The following PLEKHG1 variants were observed in gnomAD, a reference collection of about 807,000 sequenced individuals.
PLEKHG1 encodes the protein pleckstrin homology and RhoGEF domain containing G1.
Under a neutral mutation model 100.8 loss-of-function variants are expected in PLEKHG1, and 44 were observed. The observed-to-expected ratio is 0.44, with a 90% CI of 0.34 to 0.56. The LOEUF is 0.56. Ranked by LOEUF, PLEKHG1 falls within the 20% of genes least tolerant of loss-of-function variation. The pLI is 0.01. For synonymous variants in PLEKHG1, 640 were observed against 662.5 expected, an observed-to-expected ratio of 0.97 and a Z score of 0.52; for missense variants, 1,545 against 1,720.9, an observed-to-expected ratio of 0.90 and a Z score of 1.81.
chr6:150,663,358 TGTG>T (rs1415362838), intron 3 of PLEKHG1: 1 of 152,232 alleles, frequency 6.6e-6, no homozygotes, highest in East Asian at 1.9e-4. Flanking sequence ...GCTTAAATAA[TGTG>T]GTCTCTTGAT....
intron 1 of PLEKHG1, among the ~76,000 whole-genome samples, chr6:150,628,575 C>CACACACACACACACACACACAT (rs754227842): frequency 0.028 from 3,896 of 137,276 alleles, 263 homozygotes; most frequent in Middle Eastern, 0.057. Context: ...CACACACACA[C>CACACACACACACACACACACAT]ACCCCGTCCT....
At chr6:150,692,449 G>T (rs575188471) in intron 3 of PLEKHG1, among the ~76,000 whole-genome samples, 87 of 152,240 alleles carry the variant, frequency 5.7e-4, no homozygotes, top group African/African-American at 2.0e-3. Context: ...ATGGGCTGAT[G>T]ATTCAATAAA....
exon 15 of PLEKHG1, chr6:150,830,726 A>C: frequency 6.2e-7 from 1 of 1,614,230 alleles, no homozygotes; most frequent in Middle Eastern, 1.6e-4. Flanking sequence ...TCACCAGATC[A>C]GGCAAGCCTT....
chr6:150,669,539 G>A (rs1779515862), intron 3 of PLEKHG1, among the ~76,000 whole-genome samples: 1 of 151,720 alleles, frequency 6.6e-6, no homozygotes, highest in Admixed American at 6.6e-5. Flanking sequence ...CAAAGTTACT[G>A]GAACTGTGTA....
intron 3 of PLEKHG1, among the ~76,000 whole-genome samples, chr6:150,701,423 A>G (rs1780771512): frequency 7.1e-5 from 2 of 28,302 alleles, no homozygotes; most frequent in African/African-American, 3.3e-4. Context: ...TTCTTTATAT[A>G]TATATATATA....
chr6:150,600,076 C>A lies in PLEKHG1; in HGVS notation c.-204+59C>A. 1 of 182,174 alleles carries A rather than the reference C, an allele frequency of 5.5e-6. No homozygotes were observed. The allele number at this position is 182,174 out of a possible 1,614,324, so 11.3% of individuals were successfully genotyped here. ...CTTTTCCAGGGATGGGAGGGGGGAC[C>A]CGGGGACCTCCGGCGGGAGCCCCAC... On this transcript the variant is annotated intron_variant, in intron 1 of 3. Coordinates refer to the PLEKHG1 transcript ENST00000367326. The surrounding 1 kb of genome is among the most constrained non-coding windows in gnomAD (Gnocchi z 6.2).
intron 3 of PLEKHG1, among the ~76,000 whole-genome samples, chr6:150,771,488 G>A (rs374690527): frequency 2.0e-5 from 3 of 152,176 alleles, no homozygotes; most frequent in East Asian, 1.9e-4. Flanking sequence ...GTGGACCCCC[G>A]TCTGCAGAAG....
At chr6:150,617,306 C>A (rs1345696362) in intron 1 of PLEKHG1, among the ~76,000 whole-genome samples, 1 of 152,162 alleles carries the variant, frequency 6.6e-6, no homozygotes, top group African/African-American at 2.4e-5. Flanking sequence ...AAGAGACTTC[C>A]TTTTTAAAAA....
chr6:150,698,343 T>C (rs1780628570), intron 3 of PLEKHG1, among the ~76,000 whole-genome samples: 1 of 152,208 alleles, frequency 6.6e-6, no homozygotes, highest in South Asian at 2.1e-4. Flanking sequence ...TTTTGGACTT[T>C]TGGATTAGGG....
At chr6:150,758,353 T>G (rs1260023719) in intron 2 of PLEKHG1, among the ~76,000 whole-genome samples, 1 of 141,458 alleles carries the variant, frequency 7.1e-6, no homozygotes, top group Non-Finnish European at 1.5e-5. Context: ...TTTTTTTTTT[T>G]GAGACAGAGT....
At chr6:150,774,497 A>T (rs1190431643) in intron 3 of PLEKHG1, among the ~76,000 whole-genome samples, 2 of 150,046 alleles carry the variant, frequency 1.3e-5, no homozygotes, top group Non-Finnish European at 2.9e-5. Context: ...ACCCAGTCAC[A>T]ATGTTTTGTC....
chr6:150,804,175 AT>A (rs1554276244), intron 6 of PLEKHG1, among the ~76,000 whole-genome samples: 59 of 43,052 alleles, frequency 1.4e-3, no homozygotes, highest in African/African-American at 3.8e-3. Flanking sequence ...ATATATATAT[AT>A]TTTTTTTTTT....
chr6:150,761,164 G>A (rs1463291813), intron 2 of PLEKHG1, among the ~76,000 whole-genome samples: 1 of 136,644 alleles, frequency 7.3e-6, no homozygotes, highest in African/African-American at 2.8e-5. Flanking sequence ...GGAGTGCAGT[G>A]GCACAATCAT....
At chr6:150,803,237 A>G (rs1786817150) in intron 6 of PLEKHG1, among the ~76,000 whole-genome samples, 1 of 152,210 alleles carries the variant, frequency 6.6e-6, no homozygotes. Flanking sequence ...TAATGGAACT[A>G]ATCTTCAAGT....
chr6:150,775,960 A>G (rs967003420), intron 3 of PLEKHG1, among the ~76,000 whole-genome samples: 1 of 152,122 alleles, frequency 6.6e-6, no homozygotes, highest in African/African-American at 2.4e-5. Flanking sequence ...AGTGGGTTAA[A>G]ATGCCAGCTG....
chr6:150,613,263 A>G (rs1315659863), intron 1 of PLEKHG1, among the ~76,000 whole-genome samples: 1 of 152,164 alleles, frequency 6.6e-6, no homozygotes, highest in East Asian at 1.9e-4. Flanking sequence ...AAGAAGTCCT[A>G]CTGACCATAC....
At chr6:150,681,142 G>T (rs1200516215) in intron 3 of PLEKHG1, among the ~76,000 whole-genome samples, 1 of 152,184 alleles carries the variant, frequency 6.6e-6, no homozygotes, top group Non-Finnish European at 1.5e-5. Flanking sequence ...AAGACAGCAT[G>T]GGAGTTAGCG....
At chr6:150,664,751 C>T (rs1484879573) in intron 3 of PLEKHG1, among the ~76,000 whole-genome samples, 1 of 152,146 alleles carries the variant, frequency 6.6e-6, no homozygotes, top group Non-Finnish European at 1.5e-5. Context: ...ATCACTCAAG[C>T]ACAAGAGCCC....
chr6:150,754,985 TG>T (rs1360128901), intron 2 of PLEKHG1, among the ~76,000 whole-genome samples: 4 of 151,648 alleles, frequency 2.6e-5, no homozygotes, highest in Non-Finnish European at 5.9e-5. Context: ...CAGGACTTTT[TG>T]TTTTTTTGAG....
Sources: allele counts gnomAD v4.1 joint callset (sites outside exome capture counted in the v4.1 genomes callset), GRCh38; gene constraint gnomAD v4.1.1; non-coding constraint Gnocchi (gnomAD v3.1); transcripts MANE v1.5; gene names NCBI Gene and HGNC (gene_info 2026-07-23, HGNC 2026-07-21).